Variants in MAPK8IP3 observed in about 807,000 individuals in gnomAD.
MAPK8IP3 encodes C-Jun-amino-terminal kinase-interacting protein 3.
Under a neutral mutation model 157.8 loss-of-function variants are expected in MAPK8IP3, and 49 were observed. The observed-to-expected ratio is 0.31, with a 90% CI of 0.25 to 0.39. The LOEUF (loss-of-function observed/expected upper bound fraction) is 0.39. Ranked by LOEUF, MAPK8IP3 falls within the 10% of genes least tolerant of loss-of-function variation. The probability of loss-of-function intolerance (pLI) is 1.00; values close to 1 mark genes in which losing one functional copy is unlikely to be tolerated. For missense variants in MAPK8IP3, 1,478 were observed against 1,889.4 expected, an observed-to-expected ratio of 0.78 and a Z score of 4.04; for synonymous variants, 897 against 777.7, an observed-to-expected ratio of 1.15 and a Z score of -2.55.
rs1047264376 is a variant in MAPK8IP3, at chr16:1,769,251, C to T, written c.*427C>T. 3 of 194,362 alleles carry T rather than the reference C, an allele frequency of 1.5e-5. No individual in the cohort carries two copies. The highest frequency in any genetic ancestry group is 3.2e-5 in the Non-Finnish European group (3 of 93,660). The allele number at this position is 194,362 out of a possible 1,614,324, so 12.0% of individuals were successfully genotyped here. A position where few individuals can be genotyped will look rare whatever the true frequency, so the allele number is the denominator to read the frequency against. ...CCACCTCTGCATGCTGCTCATGGGG[C>T]CACCCTGCCTCCTGGGCCCTCACTC... On this transcript the variant is annotated 3_prime_UTR_variant, in exon 32 of 32. Coordinates refer to ENST00000610761, the MANE Select transcript of MAPK8IP3 (RefSeq NM_001318852.2).
intron 4 of MAPK8IP3, among the ~76,000 whole-genome samples, chr16:1,736,908 G>GTT (rs1464987754): frequency 6.1e-5 from 1 of 16,326 alleles, no homozygotes; most frequent in Admixed American, 8.4e-4. Flanking sequence ...GTGACCGTCT[G>GTT]TGTGAGTGAC....
intron 8 of MAPK8IP3, among the ~76,000 whole-genome samples, chr16:1,754,012 A>C (rs2041449998): frequency 6.6e-6 from 1 of 151,830 alleles, no homozygotes; most frequent in South Asian, 2.1e-4. Flanking sequence ...CTCTACTAAA[A>C]ATACAAAAGA....
intron 29 of MAPK8IP3, 35 bp downstream of exon 29, chr16:1,768,142 C>A (rs772589613): frequency 6.2e-7 from 1 of 1,611,976 alleles, no homozygotes; most frequent in African/African-American, 1.3e-5. Flanking sequence ...CTCACGGGAG[C>A]CTCTCCCACT....
chr16:1,707,811 C>T (rs535625580), intron 1 of MAPK8IP3: 2 of 152,352 alleles, frequency 1.3e-5, no homozygotes, highest in East Asian at 3.9e-4. Flanking sequence ...ATAGAAGTGT[C>T]TTAGGAAATG....
intron 4 of MAPK8IP3, among the ~76,000 whole-genome samples, chr16:1,740,771 C>A (rs1311126826): frequency 1.3e-5 from 2 of 152,236 alleles, no homozygotes; most frequent in African/African-American, 4.8e-5. Flanking sequence ...CCAGCAGGCA[C>A]ATTAGGGCAT....
intron 5 of MAPK8IP3, chr16:1,744,625 C>G (rs2040857746): frequency 1.0e-6 from 1 of 985,458 alleles, no homozygotes; most frequent in Non-Finnish European, 1.2e-6. Flanking sequence ...GGGCCTGGAG[C>G]TGGGACCTGC....
Position 1,706,357 on chromosome 16 carries a change from G to A in MAPK8IP3, c.18G>A (p.Met6Ile). The change falls in exon 1 of 32, where the codon ATG becomes ATA. Residue 6 changes from methionine (M) to isoleucine (I), a missense_variant. Around this residue, in one of 11 missense-constraint regions of MAPK8IP3, gnomAD observed 29 missense variants for 29.8 expected, o/e 0.97. Transcript: ENST00000610761. The surrounding 1 kb of genome is among the most constrained non-coding windows in gnomAD (Gnocchi z 5.1). ...TGGCCGCGATGATGGAGATCCAGAT[G>A]GACGAGGGCGGCGGCGTGGTGGTGT... MMEIQMDEGGGVVVYQ... is the reference protein window; with the variant it reads MMEIQIDEGGGVVVYQ... 5.0e-6 allele frequency: 8 copies of A among 1,596,044 alleles called. No homozygotes were observed. The highest frequency in any genetic ancestry group is 6.8e-6 in the Non-Finnish European group (8 of 1,172,196).
At position 1,768,948 on chromosome 16, in the gene MAPK8IP3, A is replaced by G. The variant is rs951075096; in HGVS notation, c.*124A>G. ...TCTAACCTCTCAACCTGCAGCTTTC[A>G]CCTGAGTCTGGCCCCTCCAGCGGGC... On this transcript the variant is annotated 3_prime_UTR_variant, in exon 32 of 32. Coordinates refer to ENST00000610761, the MANE Select transcript of MAPK8IP3 (RefSeq NM_001318852.2). 3.5e-6 allele frequency: 4 copies of G among 1,157,674 alleles called. No homozygotes were observed. Among genetic ancestry groups the G allele is most frequent in the East Asian group, 2.5e-5 (1 of 39,472 alleles). 71.7% of individuals were successfully genotyped at this position (1,157,674 alleles called of 1,614,324 possible).
intron 7 of MAPK8IP3, 123 bp from the exon 8 acceptor site, chr16:1,748,479 G>A (rs376280440): frequency 3.8e-5 from 43 of 1,130,894 alleles, no homozygotes; most frequent in African/African-American, 3.2e-4. Flanking sequence ...ATCCACGACC[G>A]GCCTGCAGGG....
chr16:1,729,102 G>A (rs535889304), intron 2 of MAPK8IP3, 36 bp from the exon 3 acceptor site: 25 of 1,599,994 alleles, frequency 1.6e-5, no homozygotes, highest in Middle Eastern at 1.7e-4. Context: ...ATGGAGAAGC[G>A]TCTTGTGCGG....
intron 2 of MAPK8IP3, among the ~76,000 whole-genome samples, chr16:1,728,155 C>T (rs766937049): frequency 6.6e-5 from 10 of 152,210 alleles, no homozygotes; most frequent in Non-Finnish European, 1.5e-4. Flanking sequence ...CCCCTGGCTG[C>T]GGCTGCCCGT....
intron 4 of MAPK8IP3, among the ~76,000 whole-genome samples, chr16:1,732,181 C>T (rs1054946016): frequency 6.6e-5 from 10 of 152,252 alleles, no homozygotes; most frequent in African/African-American, 1.7e-4. Flanking sequence ...TCTCCAGCAG[C>T]GGGGAGGAAG....
rs766512271 is a variant in MAPK8IP3 at position 1,768,065 on chromosome 16, C to A, written c.3524-4C>A. On this transcript the variant is annotated splice_region_variant and splice_polypyrimidine_tract_variant and intron_variant, in intron 28 of 31. Coordinates refer to ENST00000610761, the MANE Select transcript of MAPK8IP3 (RefSeq NM_001318852.2). ...CTTCTCCCATGCTCCTCCCATGTCC[C>A]CAGCTGTGGTCCTGCACCGAGGCCA... 3.1e-6 allele frequency: 5 copies of A among 1,612,330 alleles called. No individual in the cohort carries two copies. The highest frequency in any genetic ancestry group is 1.7e-5 in the Admixed American group (1 of 60,002).
intron 4 of MAPK8IP3, among the ~76,000 whole-genome samples, chr16:1,738,286 A>G (rs1354008336): frequency 1.5e-5 from 1 of 68,254 alleles, no homozygotes; most frequent in Non-Finnish European, 2.7e-5. Context: ...GAGTGTGACC[A>G]TCCATGTGAG....
chr16:1,716,917 C>T (rs1379836666), intron 1 of MAPK8IP3, among the ~76,000 whole-genome samples: 2 of 151,806 alleles, frequency 1.3e-5, no homozygotes, highest in Non-Finnish European at 2.9e-5. Context: ...AAATTAGCCG[C>T]GTGTGGTGGT....
chr16:1,763,672 CG>C lies in MAPK8IP3; in HGVS notation c.1915del (p.Ala639ProfsTer38). On this transcript the variant is annotated frameshift_variant, in exon 17 of 32. Transcript: ENST00000610761. LOFTEE classifies it high-confidence loss of function. ...TTCCACTCAGCGACTGCACGTCCTCCGCCCGTCGAGAGCAGAAGCGCGAGCA... is the reference window on the plus strand; with the variant it reads ...TTCCACTCAGCGACTGCACGTCCTCCCCCGTCGAGAGCAGAAGCGCGAGCA... Reference protein sequence around the residue: ...FFPDDDCTSSARREQKREQYR... With the variant: ...FFPDDDCTSSXRREQKREQYR... 1 of 1,579,218 alleles carries C rather than the reference CG, an allele frequency of 6.3e-7. No individual in the cohort carries two copies. Among genetic ancestry groups the C allele is most frequent in the Non-Finnish European group, 8.6e-7 (1 of 1,160,526 alleles).
At position 1,741,265 on chromosome 16, in the gene MAPK8IP3, A is replaced by T. The variant is rs1472211510; in HGVS notation, c.603-2067A>T. Among the ~76,000 whole-genome samples, 1 of 152,178 alleles carries T rather than the reference A, an allele frequency of 6.6e-6. No homozygotes were observed. Among genetic ancestry groups the T allele is most frequent in the Non-Finnish European group, 1.5e-5 (1 of 68,014 alleles). ...ATCCCCTGAGGGAGCTGCGAGGACA[A>T]ATCGGGAGGACGGGGTCAGTCGGCA... On this transcript the variant is annotated intron_variant, in intron 4 of 31. Transcript: ENST00000610761. This position sits in a 1 kb window ranked among gnomAD's most constrained non-coding sequence, Gnocchi z 6.9.
At chr16:1,752,443 G>T in intron 8 of MAPK8IP3, 1 of 348,924 alleles carries the variant, frequency 2.9e-6, no homozygotes, top group Non-Finnish European at 5.7e-6. Flanking sequence ...AACGTAATGC[G>T]TATAAGAAAG....
At chr16:1,708,335 G>C (rs1262671058) in intron 1 of MAPK8IP3, among the ~76,000 whole-genome samples, 1 of 152,256 alleles carries the variant, frequency 6.6e-6, no homozygotes, top group African/African-American at 2.4e-5. Context: ...CCCTCGCTCA[G>C]CTGTGGAGCT....
Sources: allele counts gnomAD v4.1 joint callset (sites outside exome capture counted in the v4.1 genomes callset), GRCh38; gene constraint gnomAD v4.1.1; regional missense constraint gnomAD v4.1.1; non-coding constraint Gnocchi (gnomAD v3.1); transcripts MANE v1.5; gene names NCBI Gene and HGNC (gene_info 2026-07-23, HGNC 2026-07-21).